RASSF8: variants seen among roughly 807,000 people sequenced by gnomAD.
RASSF8 encodes Ras association domain family member 8, also known as ras association domain-containing protein 8.
RASSF8 carries 22 observed loss-of-function variants against 48.5 expected under a neutral mutation model. That is an observed-to-expected ratio of 0.45 (90% confidence interval 0.32 to 0.65). RASSF8 has a LOEUF of 0.65. Ranked by LOEUF, RASSF8 falls within the 30% of genes least tolerant of loss-of-function variation. The probability of loss-of-function intolerance (pLI) is 0.03; values close to 1 mark genes in which losing one functional copy is unlikely to be tolerated. For missense variants in RASSF8, 418 were observed against 489.2 expected (o/e 0.85, Z 1.37); for synonymous variants, 127 against 171.5 (o/e 0.74, Z 2.03).
At chr12:26,040,958 G>C (rs2137157722) in intron 2 of RASSF8, among the ~76,000 whole-genome samples, 1 of 151,304 alleles carries the variant, frequency 6.6e-6, no homozygotes, top group African/African-American at 2.4e-5. Flanking sequence ...CGTGATCTCA[G>C]CTCACTGCAA....
intron 1 of RASSF8, among the ~76,000 whole-genome samples, chr12:25,981,990 T>C (rs929004069): frequency 6.6e-6 from 1 of 152,242 alleles, no homozygotes; most frequent in African/African-American, 2.4e-5. Flanking sequence ...GTAGAGATAA[T>C]ATAACATGAA....
At chr12:25,987,954 C>T (rs547056546) in intron 1 of RASSF8, among the ~76,000 whole-genome samples, 17 of 151,890 alleles carry the variant, frequency 1.1e-4, no homozygotes, top group African/African-American at 3.6e-4. Context: ...CGGGTTCAAG[C>T]GATTCTCCTG....
At chr12:25,966,596 T>C (rs1238554046) in intron 1 of RASSF8, among the ~76,000 whole-genome samples, 1 of 152,262 alleles carries the variant, frequency 6.6e-6, no homozygotes, top group Admixed American at 6.5e-5. Context: ...GTATCTTCTT[T>C]GGTGAAGTGT....
At chr12:26,000,279 A>G (rs866422228) in intron 2 of RASSF8, among the ~76,000 whole-genome samples, 3 of 152,348 alleles carry the variant, frequency 2.0e-5, no homozygotes, top group South Asian at 2.1e-4. Flanking sequence ...GTAGTAATAC[A>G]TATACTAGAA....
chr12:26,039,227 C>A (rs753424049), intron 2 of RASSF8, among the ~76,000 whole-genome samples: 1 of 152,138 alleles, frequency 6.6e-6, no homozygotes, highest in Admixed American at 6.5e-5. Context: ...TAAGTAGATA[C>A]GACAGTCTTC....
chr12:26,017,064 G>T (rs1942668762), intron 2 of RASSF8, among the ~76,000 whole-genome samples: 2 of 151,730 alleles, frequency 1.3e-5, no homozygotes, highest in African/African-American at 4.8e-5. Flanking sequence ...TTCTTACTTG[G>T]TTTTCTTTGA....
intron 2 of RASSF8, among the ~76,000 whole-genome samples, chr12:25,999,691 G>A (rs1293966967): frequency 6.6e-6 from 1 of 152,154 alleles, no homozygotes; most frequent in African/African-American, 2.4e-5. Context: ...TTGAAAAGGA[G>A]ACTAAAAATT....
rs538058466 is a variant in RASSF8, at chr12:26,036,934, C to A, written c.-108-18302C>A. Among the ~76,000 whole-genome samples the A allele has an allele frequency of 1.8e-4, 27 of 150,878 alleles. No homozygotes were observed. In the East Asian group the frequency reaches 2.7e-3, roughly 15 times the overall value. On this transcript the variant is annotated intron_variant, in intron 2 of 5. Transcript: ENST00000689635. Reference sequence around the variant, plus strand: ...CCATCACAAAAAAATAAAAAAAAAACAAAAAACTGTATGTGTATTACCCTA... The same window carrying A: ...CCATCACAAAAAAATAAAAAAAAAAAAAAAAACTGTATGTGTATTACCCTA...
chr12:25,962,660 G>A (rs1283822195), intron 1 of RASSF8, among the ~76,000 whole-genome samples: 1 of 151,996 alleles, frequency 6.6e-6, no homozygotes, highest in African/African-American at 2.4e-5. Flanking sequence ...CTGGCCTCAA[G>A]TGATCCTCCT....
chr12:25,987,684 C>A (rs1941918990), intron 1 of RASSF8, among the ~76,000 whole-genome samples: 1 of 152,176 alleles, frequency 6.6e-6, no homozygotes, highest in Admixed American at 6.5e-5. Context: ...TTAAAACATA[C>A]TTGAACATGC....
At chr12:26,030,216 G>C (rs1565627273) in intron 2 of RASSF8, among the ~76,000 whole-genome samples, 1 of 151,606 alleles carries the variant, frequency 6.6e-6, no homozygotes, top group African/African-American at 2.4e-5. Context: ...ATTCTTAGTA[G>C]GTTTTTTTCC....
chr12:25,985,884 C>G (rs1592234313), intron 1 of RASSF8, among the ~76,000 whole-genome samples: 1 of 152,190 alleles, frequency 6.6e-6, no homozygotes, highest in African/African-American at 2.4e-5. Context: ...GCAGGGACAC[C>G]TGGGACATAT....
chr12:26,059,122 A>G (rs1014602380), intron 3 of RASSF8, among the ~76,000 whole-genome samples: 4 of 152,234 alleles, frequency 2.6e-5, no homozygotes, highest in African/African-American at 9.6e-5. Flanking sequence ...TCAAGTTATA[A>G]TGGAGAAAAT....
chr12:26,073,208 A>G (rs1304835973), downstream of RASSF8, among the ~76,000 whole-genome samples: 1 of 152,228 alleles, frequency 6.6e-6, no homozygotes, highest in Non-Finnish European at 1.5e-5. Context: ...GTCACACTTT[A>G]AACATTCACA....
intron 2 of RASSF8, among the ~76,000 whole-genome samples, chr12:26,037,797 G>A (rs1943183605): frequency 6.6e-6 from 1 of 152,204 alleles, no homozygotes; most frequent in African/African-American, 2.4e-5. Flanking sequence ...CAGAGGAGTG[G>A]CTGTGTCCTG....
intron 1 of RASSF8, among the ~76,000 whole-genome samples, chr12:25,983,070 C>T (rs149239364): frequency 1.4e-4 from 21 of 152,080 alleles, no homozygotes; most frequent in African/African-American, 4.6e-4. Context: ...AGTCAGGAAT[C>T]ACAAAACAAA....
intron 1 of RASSF8, among the ~76,000 whole-genome samples, chr12:25,961,791 C>G (rs192274799): frequency 7.9e-5 from 12 of 152,218 alleles, no homozygotes; most frequent in Admixed American, 4.6e-4. Flanking sequence ...TCAAACTGTT[C>G]CCCCTCCATT....
intron 2 of RASSF8, among the ~76,000 whole-genome samples, chr12:26,036,838 C>A (rs1036740385): frequency 6.6e-6 from 1 of 152,052 alleles, no homozygotes; most frequent in African/African-American, 2.4e-5. Context: ...ATCACTTGAA[C>A]CCAGGAGGCA....
chr12:25,962,625 A>G (rs1409145240), intron 1 of RASSF8, among the ~76,000 whole-genome samples: 1 of 151,900 alleles, frequency 6.6e-6, no homozygotes, highest in African/African-American at 2.4e-5. Context: ...GAGTCTTACT[A>G]TGTTGCCCAG....
Sources: gnomAD v4.1 joint callset for allele counts (sites outside exome capture counted in the v4.1 genomes callset) on GRCh38, gnomAD v4.1.1 for gene constraint, MANE v1.5 for transcripts, NCBI Gene and HGNC (gene_info 2026-07-23, HGNC 2026-07-21) for gene names.